The following CLTRN variants were observed in gnomAD, a reference collection of about 807,000 sequenced individuals.
CLTRN encodes collectrin.
In CLTRN, 12 loss-of-function variants were observed where a neutral mutation model predicts 14.5. The ratio of observed to expected loss-of-function variants is 0.83; its 90% CI spans 0.53 to 1.34. The LOEUF is 1.34. CLTRN is among the 40% of genes most tolerant of loss of function. The probability of loss-of-function intolerance (pLI) is 0.00; values close to 1 mark genes in which losing one functional copy is unlikely to be tolerated. For missense variants in CLTRN, 154 were observed against 165.1 expected (o/e 0.93, Z 0.37); for synonymous variants, 58 against 56.5 (o/e 1.03, Z -0.12).
At chrX:15,660,648 A>G (rs1399084229) in intron 2 of CLTRN, among the ~76,000 whole-genome samples, 1 of 108,941 alleles carries the variant, frequency 9.2e-6, no homozygotes, top group East Asian at 2.9e-4. Flanking sequence ...TACCAAAAAA[A>G]AAAAAAAAAT....
intron 3 of CLTRN, among the ~76,000 whole-genome samples, chrX:15,648,615 A>G (rs1235314385): frequency 9.0e-6 from 1 of 111,283 alleles, no homozygotes; most frequent in Non-Finnish European, 1.9e-5. Flanking sequence ...GTTTGAGACC[A>G]GTCTGGCCAG....
Position 15,659,080 on chromosome X carries a change from C to A in CLTRN, c.139G>T (p.Glu47Ter), listed in dbSNP as rs765840836. The A allele has an allele frequency of 7.7e-6, 9 of 1,167,927 alleles. No homozygotes were observed. The South Asian group carries it at 9.0e-5, about 12-fold the overall frequency. Residue 47 changes from glutamate to a stop codon, truncating the protein, a stop_gained, in exon 3 of 6, where the codon GAA (glutamate) becomes TAA (stop). Transcript: ENST00000380342. LOFTEE classifies it high-confidence loss of function. ...DKAYAWDTNEEYLFKAMVAFS... is the reference protein window; with the variant it reads ...DKAYAWDTNE ...GCTACCATCGCTTTGAAGAGGTATT[C>A]TTCATTGGTATCCCAGGCATACTGA...
upstream of CLTRN, chrX:15,675,044 G>C (rs1487305290): frequency 8.9e-6 from 1 of 112,538 alleles, no homozygotes; most frequent in Non-Finnish European, 1.9e-5. Flanking sequence ...GGTGGGAACG[G>C]CCACGGCGGG....
Position 15,659,100 on chromosome X carries a change from T to A in CLTRN, c.119A>T (p.Tyr40Phe), listed in dbSNP as rs143890539. The A allele has an allele frequency of 1.7e-6, 2 of 1,144,912 alleles. No homozygotes were observed. The highest frequency in any genetic ancestry group is 2.2e-5 in the Admixed American group (1 of 44,675). The allele number at this position is 1,144,912 out of a possible 1,213,427, so 94.4% of individuals were successfully genotyped here. The change falls in exon 3 of 6, where the codon TAT becomes TTT. Residue 40 changes from tyrosine to phenylalanine, a missense_variant and splice_region_variant. Transcript: ENST00000380342. The stretch of plus-strand genomic sequence containing the variant: ...GTATTCTTCATTGGTATCCCAGGCA[T>A]ACTGAAAAAGAAGGAAAACAAAGTG... The part of the protein sequence containing the change: ...SIRTALGDKA[Y>F]AWDTNEEYLF...
intron 5 of CLTRN, among the ~76,000 whole-genome samples, chrX:15,630,413 A>G (rs1167391673): frequency 1.0e-5 from 1 of 97,962 alleles, no homozygotes. Flanking sequence ...GGAAGGAAGG[A>G]AGGGAATTTT....
chrX:15,628,865 T>C (rs1488959187), intron 5 of CLTRN, among the ~76,000 whole-genome samples: 1 of 112,271 alleles, frequency 8.9e-6, no homozygotes, highest in African/African-American at 3.2e-5. Flanking sequence ...TCACCCTTTG[T>C]AGACCTTGCT....
At chrX:15,651,692 TCTGTCCTGTG>T (rs1256529549) in intron 3 of CLTRN, among the ~76,000 whole-genome samples, 1 of 111,432 alleles carries the variant, frequency 9.0e-6, no homozygotes, top group African/African-American at 3.3e-5. Flanking sequence ...GAGTCCCAAG[TCTGTCCTGTG>T]CTGTAAGCCC....
intron 2 of CLTRN, among the ~76,000 whole-genome samples, chrX:15,660,999 T>G (rs1929495385): frequency 1.8e-5 from 2 of 112,650 alleles, no homozygotes; most frequent in Non-Finnish European, 1.9e-5. Context: ...AGTAACTGAT[T>G]GGTGGCATAG....
chrX:15,661,629 G>C (rs998386269), intron 2 of CLTRN, among the ~76,000 whole-genome samples: 1 of 112,297 alleles, frequency 8.9e-6, no homozygotes, highest in Admixed American at 9.4e-5. Flanking sequence ...GAGAGGATAA[G>C]GTAAGAGTTA....
chrX:15,664,472 T>C, intron 1 of CLTRN, 77 bp from the exon 2 acceptor site: 2 of 877,141 alleles, frequency 2.3e-6, no homozygotes, highest in Non-Finnish European at 3.2e-6. Flanking sequence ...AATCCTAATA[T>C]GTAATGCAAC....
At chrX:15,629,330 A>G (rs976073909) in intron 5 of CLTRN, among the ~76,000 whole-genome samples, 5 of 111,192 alleles carry the variant, frequency 4.5e-5, no homozygotes, top group East Asian at 2.8e-4. Flanking sequence ...AGGTGCCCCA[A>G]TGATGACCGA....
chrX:15,639,275 C>T (rs1379185555), intron 5 of CLTRN, among the ~76,000 whole-genome samples: 1 of 111,767 alleles, frequency 8.9e-6, no homozygotes, highest in African/African-American at 3.3e-5. Context: ...ATCTAGCTTA[C>T]AAAATCACAA....
chrX:15,660,595 G>A (rs935106502), intron 2 of CLTRN, among the ~76,000 whole-genome samples: 13 of 107,913 alleles, frequency 1.2e-4, no homozygotes, highest in East Asian at 2.9e-4. Flanking sequence ...CTTGAGCCCA[G>A]GAGCTCAAGA....
At chrX:15,641,369 C>T (rs943418352) in intron 4 of CLTRN, among the ~76,000 whole-genome samples, 2 of 111,721 alleles carry the variant, frequency 1.8e-5, no homozygotes, top group Non-Finnish European at 3.8e-5. Flanking sequence ...ATGTGAGCTT[C>T]GTGTGACTTA....
intron 3 of CLTRN, among the ~76,000 whole-genome samples, chrX:15,648,333 G>C (rs1045551058): frequency 4.5e-5 from 5 of 111,563 alleles, no homozygotes; most frequent in Middle Eastern, 4.2e-3. Flanking sequence ...ATTTTATGTT[G>C]TGAGGATACC....
intron 5 of CLTRN, among the ~76,000 whole-genome samples, chrX:15,632,435 G>A (rs1348569927): frequency 3.6e-5 from 4 of 111,149 alleles, no homozygotes; most frequent in Non-Finnish European, 7.6e-5. Context: ...AAAATTAGCC[G>A]GGCGTGGTGG....
rs756785790 is a variant in CLTRN at position 15,644,927 on chromosome X, T to C, written c.306A>G (p.Gln102=). 8.4e-7 allele frequency: 1 copy of C among 1,196,708 alleles called. No homozygotes were observed. Among genetic ancestry groups the C allele is most frequent in the South Asian group, 1.8e-5 (1 of 54,814 alleles). ...KNHTLPAVEV[Q]SAIRMNKNRI... ...TTAAGGGTGATTACCTTATGGCTGA[T>C]TGCACCTCAACAGCAGGAAGGGTGT... Residue 102 remains glutamine, a synonymous_variant, in exon 4 of 6, where the codon CAA becomes CAG. Coordinates refer to ENST00000380342, the MANE Select transcript of CLTRN (RefSeq NM_020665.6).
chrX:15,639,504 T>C lies in CLTRN; in HGVS notation c.512+58A>G, dbSNP rs1030578819. 3.8e-6 allele frequency: 4 copies of C among 1,060,586 alleles called. No individual in the cohort carries two copies. In the South Asian group the frequency reaches 8.2e-5, roughly 22 times the overall value. The allele number at this position is 1,060,586 out of a possible 1,213,427, so 87.4% of individuals were successfully genotyped here. A position where few individuals can be genotyped will look rare whatever the true frequency, so the allele number is the denominator to read the frequency against. On this transcript the variant is annotated intron_variant, in intron 5 of 5. Coordinates refer to ENST00000380342, the MANE Select transcript of CLTRN (RefSeq NM_020665.6). ...CAGAGGAAAATCCTCTCCTGATTTG[T>C]CCAAGTCATGAGGAAATAAGAAAAT...
At chrX:15,652,821 G>A (rs947681264) in intron 3 of CLTRN, among the ~76,000 whole-genome samples, 5 of 111,734 alleles carry the variant, frequency 4.5e-5, no homozygotes, top group Non-Finnish European at 7.5e-5. Flanking sequence ...AGTGGCTCAC[G>A]CCTGTAATCC....
Sources: gnomAD v4.1 joint callset for allele counts (sites outside exome capture counted in the v4.1 genomes callset) on GRCh38, gnomAD v4.1.1 for gene constraint, MANE v1.5 for transcripts, NCBI Gene and HGNC (gene_info 2026-07-23, HGNC 2026-07-21) for gene names.